The following CLCNKB variants were observed in gnomAD, a reference collection of about 807,000 sequenced individuals.
The protein encoded by CLCNKB is chloride channel protein ClC-Kb.
A neutral mutation model predicts 83.8 loss-of-function variants in CLCNKB; 74 were observed. That is an observed-to-expected ratio of 0.88 (90% CI 0.73 to 1.07). CLCNKB has a LOEUF of 1.07. Ranked by LOEUF, CLCNKB falls within the 50% of genes least tolerant of loss-of-function variation. The probability of loss-of-function intolerance (pLI) is 0.00; values close to 1 mark genes in which losing one functional copy is unlikely to be tolerated. For missense variants in CLCNKB, 798 were observed against 893.6 expected (o/e 0.89, Z 1.36); for synonymous variants, 358 against 356.6 (o/e 1.00, Z -0.04).
intron 12 of CLCNKB, among the ~76,000 whole-genome samples, 181 bp from the exon 13 acceptor site, chr1:16,051,296 AG>A (rs973584862): frequency 1.8e-4 from 28 of 152,294 alleles, no homozygotes; most frequent in African/African-American, 5.3e-4. Flanking sequence ...GCACAGTGCC[AG>A]GGCATACAGT....
At chr1:16,045,780 G>C (rs1052262819) in intron 3 of CLCNKB, 94 bp downstream of exon 3, 31 of 1,175,622 alleles carry the variant, frequency 2.6e-5, no homozygotes, top group Non-Finnish European at 3.3e-5. Context: ...AGCGGAGGTT[G>C]GGGGGGGTGC....
chr1:16,049,672 T>G lies in CLCNKB; in HGVS notation c.836T>G (p.Leu279Arg), dbSNP rs1433712235. Residue 279 changes from leucine to arginine, a missense_variant, in exon 9 of 20, where the codon CTG becomes CGG. Leu to Arg is a moderately radical substitution (Grantham distance 102). Coordinates refer to ENST00000375679, the MANE Select transcript of CLCNKB (RefSeq NM_000085.5). ...TTCCGGGTGGACGTTCCCTTCGACC[T>G]GCCTGAGATCTTCTTTTTTGTGGCG... ...TSFRVDVPFD[L>R]PEIFFFVALG... 6.2e-7 allele frequency: 1 copy of G among 1,611,378 alleles called. No individual in the cohort carries two copies. The highest frequency in any genetic ancestry group is 1.1e-5 in the South Asian group (1 of 90,994).
intron 15 of CLCNKB, 41 bp from the exon 16 acceptor site, chr1:16,053,598 T>C: frequency 1.2e-6 from 2 of 1,613,514 alleles, no homozygotes; most frequent in Admixed American, 1.7e-5. Flanking sequence ...GGGTCTCACA[T>C]CCCTGACTGT....
chr1:16,050,233 G>A (rs562627104), intron 10 of CLCNKB, among the ~76,000 whole-genome samples: 299 of 151,034 alleles, frequency 2.0e-3, no homozygotes, highest in African/African-American at 7.0e-3. Flanking sequence ...CATGGCATTG[G>A]CCAAGCCCTC....
At chr1:16,053,795 G>A in intron 16 of CLCNKB, 23 bp downstream of exon 16, 1 of 1,613,478 alleles carries the variant, frequency 6.2e-7, no homozygotes, top group Non-Finnish European at 8.5e-7. Context: ...AAGGGAGGAG[G>A]AAGTCGGGGG....
At position 16,046,522 on chromosome 1, in the gene CLCNKB, C is replaced by G. The variant is rs757789729; in HGVS notation, c.230-13C>G. On this transcript the variant is annotated splice_polypyrimidine_tract_variant and intron_variant, in intron 3 of 19. Transcript: ENST00000375679. ...AGGCTGTGGGTGCCTCCCTGATACC[C>G]GGCTGTCCCCAGCGCACCAGTGGCT... 6.2e-7 allele frequency: 1 copy of G among 1,613,544 alleles called. No homozygotes were observed. The highest frequency in any genetic ancestry group is 1.7e-5 in the Admixed American group (1 of 60,022).
chr1:16,052,231 C>A lies in CLCNKB; in HGVS notation c.1442C>A (p.Thr481Asn). 6.2e-7 allele frequency: 1 copy of A among 1,613,264 alleles called. No homozygotes were observed. Among genetic ancestry groups the A allele is most frequent in the South Asian group, 1.1e-5 (1 of 91,082 alleles). The part of the protein sequence containing the change: ...AAAFSGAVTH[T>N]ISTALLAFEV... ...GCCTTCTCAGGGGCTGTGACCCACA[C>A]CATCTCCACGGCGCTGCTGGCCTTC... The change falls in exon 15 of 20, where the codon ACC (threonine) becomes AAC (asparagine). Residue 481 changes from threonine to asparagine, a missense_variant. Coordinates refer to ENST00000375679, the MANE Select transcript of CLCNKB (RefSeq NM_000085.5).
chr1:16,049,355 C>A (rs1302807572), intron 8 of CLCNKB, 110 bp downstream of exon 8: 2 of 1,546,198 alleles, frequency 1.3e-6, no homozygotes, highest in Non-Finnish European at 1.7e-6. Context: ...CTCTCTCCCT[C>A]TTTTTCCTCT....
chr1:16,053,307 C>T (rs544613811), intron 15 of CLCNKB, among the ~76,000 whole-genome samples: 126 of 152,254 alleles, frequency 8.3e-4, no homozygotes, highest in Middle Eastern at 3.4e-3. Flanking sequence ...GGATTACAGG[C>T]GTGAGCCACC....
chr1:16,050,553 G>A lies in CLCNKB; in HGVS notation c.1006G>A (p.Ala336Thr), dbSNP rs371548242. The A allele has an allele frequency of 3.3e-5, 53 of 1,613,918 alleles. No individual in the cohort carries two copies. Among genetic ancestry groups the A allele is most frequent in the Middle Eastern group, 1.6e-4 (1 of 6,084 alleles). The change falls in exon 11 of 20, where the codon GCC becomes ACC. Residue 336 changes from alanine to threonine, a missense_variant. Ala to Thr is a moderately conservative substitution (Grantham distance 58). Transcript: ENST00000375679. ...CTCCGCTCTGGCCACCTTGGTTCTC[G>A]CCTCCATCACCTACCCACCCAGCGC... ...VYSALATLVLASITYPPSAGR... is the reference protein window; with the variant it reads ...VYSALATLVLTSITYPPSAGR...
intron 18 of CLCNKB, 67 bp downstream of exon 18, chr1:16,055,825 T>G (rs1438323930): frequency 1.3e-6 from 2 of 1,482,258 alleles, no homozygotes; most frequent in African/African-American, 2.8e-5. Context: ...GATGAGGAGC[T>G]CACGCTCCAG....
rs1462275776 is a variant in CLCNKB, at chr1:16,051,532, C to A, written c.1282C>A (p.Pro428Thr). ...CCCCATGCCTGCCGGGTACTTCATG[C>A]CCATCTTTGTCTATGGTGAGTCTGG... ...TIPMPAGYFMPIFVYGAAIGR... is the reference protein window; with the variant it reads ...TIPMPAGYFMTIFVYGAAIGR... Residue 428 changes from proline to threonine, a missense_variant, in exon 13 of 20, where the codon CCC becomes ACC. Pro to Thr is a conservative substitution (Grantham distance 38). Transcript: ENST00000375679. The A allele has an allele frequency of 6.2e-7, 1 of 1,614,096 alleles. No individual in the cohort carries two copies. Among genetic ancestry groups the A allele is most frequent in the Non-Finnish European group, 8.5e-7 (1 of 1,179,986 alleles).
intron 14 of CLCNKB, among the ~76,000 whole-genome samples, 175 bp from the exon 15 acceptor site, chr1:16,052,023 G>A (rs1313813272): frequency 2.0e-5 from 3 of 151,768 alleles, no homozygotes; most frequent in Non-Finnish European, 2.9e-5. Flanking sequence ...CCAGCCCTGC[G>A]GCCTCCCTTA....
Position 16,052,154 on chromosome 1 carries a change from C to T in CLCNKB, c.1409-44C>T, listed in dbSNP as rs2297726. On this transcript the variant is annotated intron_variant, in intron 14 of 19. Coordinates refer to ENST00000375679, the MANE Select transcript of CLCNKB (RefSeq NM_000085.5). ...GTGCCAGCCTTGCCCTAACATGAGG[C>T]TGGCCCCTGGCCTGAGCTGCCCTGC... is the stretch of plus-strand genomic sequence containing the variant. 511 of 1,609,816 alleles carry T rather than the reference C, an allele frequency of 3.2e-4. 1 individual carries two copies. Among genetic ancestry groups the T allele is most frequent in the Non-Finnish European group, 4.2e-4 (497 of 1,178,218 alleles).
chr1:16,044,371 A>ACACACACC (rs2023026736), intron 1 of CLCNKB, 115 bp from the exon 2 acceptor site: 1 of 788,830 alleles, frequency 1.3e-6, no homozygotes, highest in African/African-American at 1.7e-5. Flanking sequence ...ACACACACAC[A>ACACACACC]CACACACGCA....
intron 5 of CLCNKB, 37 bp from the exon 6 acceptor site, chr1:16,048,306 C>T (rs2023166024): frequency 2.5e-6 from 4 of 1,610,762 alleles, no homozygotes; most frequent in Non-Finnish European, 3.4e-6. Flanking sequence ...TCTCTGCTGC[C>T]CTCACCTGGG....
chr1:16,046,776 G>A (rs2023116523), intron 4 of CLCNKB, 113 bp downstream of exon 4: 2 of 1,413,886 alleles, frequency 1.4e-6, no homozygotes, highest in Admixed American at 1.8e-5. Context: ...GAAGAGTCAT[G>A]TGGCTTGCCC....
intron 13 of CLCNKB, 53 bp from the exon 14 acceptor site, chr1:16,051,657 G>A (rs2023297123): frequency 5.6e-6 from 9 of 1,603,860 alleles, no homozygotes; most frequent in Non-Finnish European, 7.7e-6. Context: ...AGGGATGGAG[G>A]GCTGTGGGGG....
At chr1:16,049,268 C>T (rs1320812326) in intron 8 of CLCNKB, 23 bp downstream of exon 8, 21 of 1,612,090 alleles carry the variant, frequency 1.3e-5, no homozygotes, top group East Asian at 2.2e-5. Flanking sequence ...GGCTGCCTGA[C>T]CCTGGCCCTG....
Sources: gnomAD v4.1 joint callset for allele counts (sites outside exome capture counted in the v4.1 genomes callset) on GRCh38, gnomAD v4.1.1 for gene constraint, MANE v1.5 for transcripts, NCBI Gene and HGNC (gene_info 2026-07-23, HGNC 2026-07-21) for gene names.